Variants in ANTXR2 observed in about 807,000 individuals in gnomAD.
ANTXR2 encodes the protein anthrax toxin receptor 2.
In ANTXR2, 44 loss-of-function variants were observed where a neutral mutation model predicts 73.7. That is an observed-to-expected ratio of 0.60 (90% CI 0.47 to 0.77). The LOEUF (loss-of-function observed/expected upper bound fraction) is 0.77, where lower values mean the gene tolerates loss of function less well. ANTXR2 is among the 30% of genes least tolerant of loss of function. The pLI is 0.00. For synonymous variants in ANTXR2, 217 were observed against 205.9 expected (o/e 1.05, Z -0.46); for missense variants, 604 against 592.5 (o/e 1.02, Z -0.20).
intron 12 of ANTXR2, among the ~76,000 whole-genome samples, chr4:79,997,654 G>C (rs1225571944): frequency 6.6e-6 from 1 of 151,752 alleles, no homozygotes; most frequent in Admixed American, 6.6e-5. Flanking sequence ...TTTCTTCCTC[G>C]ACAAACTCAT....
rs1248332169 is a variant in ANTXR2 at position 79,980,939 on chromosome 4, AAAAG to A, written c.1180-2769_1180-2766del. On this transcript the variant is annotated intron_variant, in intron 14 of 16. Coordinates refer to ENST00000403729, the MANE Select transcript of ANTXR2 (RefSeq NM_058172.6). ...AGGGCTTTAAAAAAAAAAAAAAAAA[AAAAG>A]AGAAGTACCTTCCAGGTTTGAATAA... is the stretch of plus-strand genomic sequence containing the variant. Among the ~76,000 whole-genome samples the A allele has an allele frequency of 1.5e-3, 198 of 131,028 alleles. 2 individuals carry two copies. The highest frequency in any genetic ancestry group is 4.7e-3 in the African/African-American group (182 of 39,000). 86.0% of individuals were successfully genotyped at this position (131,028 alleles called of 152,430 possible). A position where few individuals can be genotyped will look rare whatever the true frequency, so the allele number is the denominator to read the frequency against.
intron 10 of ANTXR2, among the ~76,000 whole-genome samples, chr4:80,024,428 A>C (rs1181120484): frequency 6.6e-6 from 1 of 152,236 alleles, no homozygotes. Flanking sequence ...AGCCATAGAA[A>C]GGGTGAGTTT....
intron 14 of ANTXR2, among the ~76,000 whole-genome samples, chr4:79,981,097 C>T (rs1024615584): frequency 1.3e-5 from 2 of 152,010 alleles, no homozygotes; most frequent in Admixed American, 6.6e-5. Flanking sequence ...TGAGAACTCC[C>T]CATCATCCAC....
intron 7 of ANTXR2, among the ~76,000 whole-genome samples, chr4:80,036,627 C>A (rs1016535853): frequency 6.6e-6 from 1 of 151,860 alleles, no homozygotes; most frequent in African/African-American, 2.4e-5. Context: ...ATAGTGAATC[C>A]TGTCTCTACT....
intron 3 of ANTXR2, among the ~76,000 whole-genome samples, chr4:80,063,453 C>T (rs1734354337): frequency 6.6e-6 from 1 of 151,784 alleles, no homozygotes; most frequent in Non-Finnish European, 1.5e-5. Context: ...ATAAACAATA[C>T]ATTCTTGTTG....
At chr4:80,070,859 A>AT (rs1260640221) in intron 2 of ANTXR2, among the ~76,000 whole-genome samples, 1 of 151,544 alleles carries the variant, frequency 6.6e-6, no homozygotes, top group African/African-American at 2.4e-5. Context: ...TGCTCATTGC[A>AT]TTTTTTCTTT....
At chr4:79,932,021 CTTCAAATTAT>C (rs1370170339) in intron 16 of ANTXR2, among the ~76,000 whole-genome samples, 1 of 152,128 alleles carries the variant, frequency 6.6e-6, no homozygotes, top group Admixed American at 6.5e-5. Flanking sequence ...TCATATCACT[CTTCAAATTAT>C]TTCAAATTTC....
At chr4:79,948,329 C>A (rs552187083) in intron 16 of ANTXR2, among the ~76,000 whole-genome samples, 1 of 151,960 alleles carries the variant, frequency 6.6e-6, no homozygotes, top group Non-Finnish European at 1.5e-5. Flanking sequence ...CCAATAAGCA[C>A]GTAAATATAA....
intron 16 of ANTXR2, among the ~76,000 whole-genome samples, chr4:79,934,985 C>A (rs1269604149): frequency 6.6e-6 from 1 of 151,766 alleles, no homozygotes; most frequent in East Asian, 1.9e-4. Flanking sequence ...GGAGATATAC[C>A]TAATGTTAAA....
chr4:80,055,329 G>T, intron 5 of ANTXR2, 31 bp downstream of exon 5: 2 of 1,579,226 alleles, frequency 1.3e-6, no homozygotes, highest in Non-Finnish European at 1.7e-6. Flanking sequence ...GTACAGTGGG[G>T]TGTAGAGAAC....
At chr4:79,983,387 T>C (rs915073464) in intron 14 of ANTXR2, among the ~76,000 whole-genome samples, 1 of 152,172 alleles carries the variant, frequency 6.6e-6, no homozygotes, top group African/African-American at 2.4e-5. Context: ...ATAAATGATA[T>C]ATAATATCAA....
intron 16 of ANTXR2, among the ~76,000 whole-genome samples, chr4:79,974,520 A>C (rs1417812616): frequency 6.6e-6 from 1 of 152,090 alleles, no homozygotes; most frequent in Non-Finnish European, 1.5e-5. Flanking sequence ...AATCTTTGAA[A>C]ACTGAAAGTT....
rs1728332925 is a variant in ANTXR2 at position 79,937,758 on chromosome 4, A to G, written c.1429-30291T>C. On this transcript the variant is annotated intron_variant, in intron 16 of 16. Transcript: ENST00000403729. ...CCGAATAGGAACAGCTCCGGTCTACAGCTCCCAGCGTGAGCGACGCAGAAG... is the reference window on the plus strand; with the variant it reads ...CCGAATAGGAACAGCTCCGGTCTACGGCTCCCAGCGTGAGCGACGCAGAAG... Among the ~76,000 whole-genome samples, 5 of 152,102 alleles carry G rather than the reference A, an allele frequency of 3.3e-5. No individual in the cohort carries two copies. In the South Asian group the frequency reaches 1.0e-3, roughly 32 times the overall value.
intron 6 of ANTXR2, 106 bp from the exon 7 acceptor site, chr4:80,054,458 G>A (rs1205868699): frequency 1.3e-6 from 1 of 783,308 alleles, no homozygotes; most frequent in Non-Finnish European, 2.1e-6. Context: ...TACCCCACAG[G>A]ATTAATTTAC....
intron 13 of ANTXR2, among the ~76,000 whole-genome samples, chr4:79,984,488 A>G (rs963775025): frequency 4.6e-5 from 7 of 152,188 alleles, no homozygotes; most frequent in Non-Finnish European, 7.4e-5. Context: ...GAAGAAAGTA[A>G]TAGGATCTTT....
At chr4:79,987,479 A>C (rs1730232265) in intron 12 of ANTXR2, among the ~76,000 whole-genome samples, 1 of 152,150 alleles carries the variant, frequency 6.6e-6, no homozygotes, top group Non-Finnish European at 1.5e-5. Flanking sequence ...ATATGGGATT[A>C]TGTAAGAAGA....
At chr4:79,909,164 A>G (rs554232762) in intron 16 of ANTXR2, among the ~76,000 whole-genome samples, 2 of 152,196 alleles carry the variant, frequency 1.3e-5, no homozygotes, top group African/African-American at 2.4e-5. Context: ...GAATGATATT[A>G]TGACAGCAAA....
At chr4:79,935,095 A>G (rs975848338) in intron 16 of ANTXR2, among the ~76,000 whole-genome samples, 2 of 152,176 alleles carry the variant, frequency 1.3e-5, no homozygotes, top group Admixed American at 1.3e-4. Context: ...AAGTATAAAA[A>G]AAAAAAACAA....
intron 7 of ANTXR2, among the ~76,000 whole-genome samples, chr4:80,041,580 C>T (rs534548935): frequency 2.6e-5 from 4 of 151,916 alleles, no homozygotes; most frequent in South Asian, 2.1e-4. Context: ...GTATTAAGCC[C>T]GGCACACATT....
Sources: gnomAD v4.1 joint callset for allele counts (sites outside exome capture counted in the v4.1 genomes callset) on GRCh38, gnomAD v4.1.1 for gene constraint, MANE v1.5 for transcripts, NCBI Gene and HGNC (gene_info 2026-07-23, HGNC 2026-07-21) for gene names.